Variants in CSGALNACT2 observed in about 807,000 individuals in gnomAD.
The protein encoded by CSGALNACT2 is beta 4 GalNAcT-2.
Under a neutral mutation model 55.3 loss-of-function variants are expected in CSGALNACT2, and 35 were observed. The ratio of observed to expected loss-of-function variants is 0.63; its 90% CI spans 0.48 to 0.84. The LOEUF is 0.84. Ranked by LOEUF, CSGALNACT2 falls within the 40% of genes least tolerant of loss-of-function variation. The pLI, the probability that CSGALNACT2 is intolerant of heterozygous loss-of-function variation, is 0.00. For missense variants in CSGALNACT2, 544 were observed against 657.5 expected, an observed-to-expected ratio of 0.83 and a Z score of 1.89; for synonymous variants, 196 against 224.9, an observed-to-expected ratio of 0.87 and a Z score of 1.15.
intron 4 of CSGALNACT2, chr10:43,162,426 G>A: frequency 3.0e-6 from 3 of 985,384 alleles, no homozygotes; most frequent in Non-Finnish European, 3.6e-6. Flanking sequence ...AATTACTGTG[G>A]TTGGGGTGGG....
chr10:43,150,846 T>A (rs1394968174), intron 1 of CSGALNACT2, among the ~76,000 whole-genome samples: 1 of 152,228 alleles, frequency 6.6e-6, no homozygotes, highest in Non-Finnish European at 1.5e-5. Flanking sequence ...TATATTAGGC[T>A]GTTTGAAGTT....
chr10:43,147,202 C>T (rs1179891641), intron 1 of CSGALNACT2, among the ~76,000 whole-genome samples: 1 of 151,686 alleles, frequency 6.6e-6, no homozygotes, highest in Non-Finnish European at 1.5e-5. Context: ...GTCTCGATCT[C>T]CTGACCTCGT....
chr10:43,144,908 T>G (rs1483504857), intron 1 of CSGALNACT2, among the ~76,000 whole-genome samples: 1 of 152,206 alleles, frequency 6.6e-6, no homozygotes, highest in African/African-American at 2.4e-5. Flanking sequence ...ATATAGTAAG[T>G]ACTTCTGTTG....
chr10:43,167,775 T>C (rs1367059490), intron 6 of CSGALNACT2, among the ~76,000 whole-genome samples: 1 of 152,140 alleles, frequency 6.6e-6, no homozygotes, highest in Non-Finnish European at 1.5e-5. Context: ...GTCCTTTTTC[T>C]GTTTCAGAAT....
intron 6 of CSGALNACT2, among the ~76,000 whole-genome samples, chr10:43,169,530 CA>C: frequency 6.6e-6 from 1 of 152,250 alleles, no homozygotes. Flanking sequence ...AGAATGGTTA[CA>C]GTTGAATCAA....
chr10:43,166,016 G>T (rs762412280), intron 5 of CSGALNACT2, among the ~76,000 whole-genome samples: 1 of 152,104 alleles, frequency 6.6e-6, no homozygotes, highest in Non-Finnish European at 1.5e-5. Flanking sequence ...AGCAAATGGG[G>T]TTTTTTTAAT....
At chr10:43,139,316 A>G (rs945955148) in intron 1 of CSGALNACT2, among the ~76,000 whole-genome samples, 3 of 152,184 alleles carry the variant, frequency 2.0e-5, no homozygotes, top group African/African-American at 7.2e-5. Flanking sequence ...GAAGCCAAGT[A>G]TTTTAGGACT....
At chr10:43,156,916 T>C (rs1257681601) in intron 2 of CSGALNACT2, among the ~76,000 whole-genome samples, 1 of 152,226 alleles carries the variant, frequency 6.6e-6, no homozygotes, top group Non-Finnish European at 1.5e-5. Flanking sequence ...ACCCCTCGTA[T>C]AGCACATGTA....
At chr10:43,141,624 CAAAAAAAAAA>C (rs58889701) in intron 1 of CSGALNACT2, among the ~76,000 whole-genome samples, 44 of 68,934 alleles carry the variant, frequency 6.4e-4, no homozygotes, top group Non-Finnish European at 8.7e-4. Flanking sequence ...GAAACTGTCT[CAAAAAAAAAA>C]AAAAAAAAAA....
rs781765380 is a variant in CSGALNACT2 at position 43,163,918 on chromosome 10, C to T, written c.1033C>T (p.Arg345Cys). 3.1e-6 allele frequency: 5 copies of T among 1,614,072 alleles called. No homozygotes were observed. The highest frequency in any genetic ancestry group is 4.2e-6 in the Non-Finnish European group (5 of 1,180,000). ...TLVSLNEEFN[R>C]GRGLNVGARA... is the part of the protein sequence containing the mutation. ...GGTCTCATTGAATGAAGAATTTAAT[C>T]GTGGACGAGGACTAAATGTGGGTGC... The change falls in exon 5 of 8, where the codon CGT (arginine) becomes TGT (cysteine). Residue 345 changes from arginine (R) to cysteine (C), a missense_variant. By Grantham distance (180) the Arg-to-Cys change is radical. Transcript: ENST00000374466.
Position 43,175,950 on chromosome 10 carries a change from G to T in CSGALNACT2, c.1255-1G>T. The T allele has an allele frequency of 6.3e-7, 1 of 1,594,108 alleles. No homozygotes were observed. On this transcript the variant is annotated splice_acceptor_variant, in intron 6 of 7. Coordinates refer to ENST00000374466, the MANE Select transcript of CSGALNACT2 (RefSeq NM_018590.5). LOFTEE classifies it high-confidence loss of function. ...TTTCTGTTTTTTTTTTTTTAACTAA[G>T]GTTCACAAAAAGGATTCTGGCTTTT... is the stretch of plus-strand genomic sequence containing the variant.
chr10:43,177,461 G>C (rs534660937), intron 7 of CSGALNACT2, among the ~76,000 whole-genome samples: 3 of 152,118 alleles, frequency 2.0e-5, no homozygotes, highest in South Asian at 4.2e-4. Context: ...GGCATCTACT[G>C]GTCTACTTCC....
chr10:43,148,717 T>G (rs1214407721), intron 1 of CSGALNACT2, among the ~76,000 whole-genome samples: 1 of 152,234 alleles, frequency 6.6e-6, no homozygotes, highest in Non-Finnish European at 1.5e-5. Context: ...ACAATTGATT[T>G]TTGTATATCG....
At chr10:43,169,308 G>A (rs563881907) in intron 6 of CSGALNACT2, among the ~76,000 whole-genome samples, 2 of 152,074 alleles carry the variant, frequency 1.3e-5, no homozygotes, top group East Asian at 3.9e-4. Flanking sequence ...AAACATTTGA[G>A]GAAAAACAAT....
chr10:43,183,364 T>A lies in CSGALNACT2; in HGVS notation c.1451T>A (p.Leu484His). The change falls in exon 8 of 8, where the codon CTC becomes CAC. Residue 484 changes from leucine (L) to histidine (H), a missense_variant. Around this residue, in one of 2 missense-constraint regions of CSGALNACT2, gnomAD observed 170 missense variants for 256.2 expected, o/e 0.66. Transcript: ENST00000374466. ...ACTCCGGTTCCTGGTCTTTTCCACC[T>A]CTGGCATGAAAAGCGCTGTGCTGAT... is the stretch of plus-strand genomic sequence containing the variant. The part of the protein sequence containing the change: ...IRTPVPGLFH[L>H]WHEKRCADEL... 1 of 1,614,152 alleles carries A rather than the reference T, an allele frequency of 6.2e-7. No homozygotes were observed. Among genetic ancestry groups the A allele is most frequent in the Non-Finnish European group, 8.5e-7 (1 of 1,180,014 alleles).
rs147546849 is a variant in CSGALNACT2 at position 43,170,290 on chromosome 10, T to C, written c.1254+3192T>C. ...TCAGCTTCCAAATCTTAGTTTCTAA[T>C]ACTATTCTCCAATCAAACGAGCCAG... On this transcript the variant is annotated intron_variant, in intron 6 of 7. Coordinates refer to ENST00000374466, the MANE Select transcript of CSGALNACT2 (RefSeq NM_018590.5). Among the ~76,000 whole-genome samples, 800 of 152,290 alleles carry C rather than the reference T, an allele frequency of 5.3e-3. 9 individuals are homozygous for C. The highest frequency in any genetic ancestry group is 0.019 in the African/African-American group (776 of 41,558).
At chr10:43,171,879 GA>G (rs1489355978) in intron 6 of CSGALNACT2, among the ~76,000 whole-genome samples, 1 of 152,090 alleles carries the variant, frequency 6.6e-6, no homozygotes, top group Non-Finnish European at 1.5e-5. Context: ...AAGTAAATAA[GA>G]AGGAAAAAAA....
intron 1 of CSGALNACT2, among the ~76,000 whole-genome samples, chr10:43,145,414 T>C (rs942597543): frequency 4.5e-4 from 65 of 144,338 alleles, no homozygotes; most frequent in African/African-American, 1.6e-3. Flanking sequence ...TTGTTTCTTT[T>C]TTTTTTTTTT....
intron 1 of CSGALNACT2, among the ~76,000 whole-genome samples, chr10:43,150,534 G>T (rs1838854772): frequency 6.6e-6 from 1 of 152,102 alleles, no homozygotes; most frequent in South Asian, 2.1e-4. Context: ...GTTCTTTAAA[G>T]ATCATTGTTC....
Sources: allele counts gnomAD v4.1 joint callset (sites outside exome capture counted in the v4.1 genomes callset), GRCh38; gene constraint gnomAD v4.1.1; regional missense constraint gnomAD v4.1.1; transcripts MANE v1.5; gene names NCBI Gene and HGNC (gene_info 2026-07-23, HGNC 2026-07-21).